The following GNG4 variants were observed in gnomAD, a reference collection of about 807,000 sequenced individuals.
GNG4 encodes the protein G protein subunit gamma 4, also known as guanine nucleotide-binding protein G(I)/G(S)/G(O) subunit gamma-4.
Under a neutral mutation model 5.8 loss-of-function variants are expected in GNG4, and 4 were observed. The ratio of observed to expected loss-of-function variants is 0.69; its 90% CI spans 0.34 to 1.57. The LOEUF is 1.57. Ranked by LOEUF, GNG4 falls within the 40% of genes most tolerant of loss-of-function variation. The probability of loss-of-function intolerance (pLI) is 0.06; values close to 1 mark genes in which losing one functional copy is unlikely to be tolerated. For missense variants in GNG4, 96 were observed against 95.1 expected (o/e 1.01, Z -0.04); for synonymous variants, 29 against 32.9 (o/e 0.88, Z 0.41).
chr1:235,601,826 G>A (rs1354595208), intron 1 of GNG4, among the ~76,000 whole-genome samples: 2 of 152,210 alleles, frequency 1.3e-5, no homozygotes, highest in African/African-American at 2.4e-5. Context: ...CCCATCACAC[G>A]TGGATGTGTC....
rs764591824 is a variant in GNG4, at chr1:235,644,007, C to T, written c.-123+5655G>A. The stretch of plus-strand genomic sequence containing the variant: ...CACTTGCTGCAGTGTTCACGGAGCA[C>T]ACACAGAAAGATCTGCCCGAGAGAG... On this transcript the variant is annotated intron_variant, in intron 1 of 3. Transcript: ENST00000391854. This position sits in a 1 kb window ranked among gnomAD's most constrained non-coding sequence, Gnocchi z 5.9. Among the ~76,000 whole-genome samples, 8 of 152,198 alleles carry T rather than the reference C, an allele frequency of 5.3e-5. No homozygotes were observed. The highest frequency in any genetic ancestry group is 1.0e-4 in the Non-Finnish European group (7 of 68,036).
chr1:235,611,732 G>A (rs1223096718), intron 1 of GNG4, among the ~76,000 whole-genome samples: 2 of 152,126 alleles, frequency 1.3e-5, no homozygotes, highest in African/African-American at 2.4e-5. Context: ...TCTCAGTTTC[G>A]ACTGTTAACA....
intron 1 of GNG4, among the ~76,000 whole-genome samples, chr1:235,619,159 TTATA>T (rs895813525): frequency 1.0e-5 from 1 of 100,236 alleles, no homozygotes; most frequent in African/African-American, 4.5e-5. Flanking sequence ...AAAAAAAAAT[TTATA>T]TATATATATA....
At chr1:235,576,294 C>T (rs989920107) in intron 3 of GNG4, among the ~76,000 whole-genome samples, 7 of 151,804 alleles carry the variant, frequency 4.6e-5, no homozygotes, top group African/African-American at 1.7e-4. Flanking sequence ...GATCTCCTGA[C>T]CTTGAGATCT....
intron 3 of GNG4, among the ~76,000 whole-genome samples, chr1:235,556,139 T>C (rs1443421235): frequency 6.6e-6 from 1 of 151,694 alleles, no homozygotes; most frequent in Non-Finnish European, 1.5e-5. Flanking sequence ...AGTGCTGGGA[T>C]TACAGGCATG....
chr1:235,632,709 C>T (rs1352015659), intron 1 of GNG4, among the ~76,000 whole-genome samples: 1 of 152,146 alleles, frequency 6.6e-6, no homozygotes, highest in Non-Finnish European at 1.5e-5. Flanking sequence ...AATGCCTCAG[C>T]TGGGAACAAA....
chr1:235,563,815 T>G (rs1444951892), intron 3 of GNG4, among the ~76,000 whole-genome samples: 3 of 152,098 alleles, frequency 2.0e-5, no homozygotes, highest in African/African-American at 4.8e-5. Flanking sequence ...GAAGGTTGAG[T>G]TCCTGGCTCA....
chr1:235,597,611 TGTGTGTGTGTGTGTGTGTA>T lies in GNG4; in HGVS notation c.-122-2119_-122-2101del, dbSNP rs1688154923. Among the ~76,000 whole-genome samples, 4 of 109,666 alleles carry T rather than the reference TGTGTGTGTGTGTGTGTGTA, an allele frequency of 3.6e-5. No homozygotes were observed. In the South Asian group the frequency reaches 7.9e-4, roughly 22 times the overall value. The allele number at this position is 109,666 out of a possible 152,430, so 71.9% of individuals were successfully genotyped here. On this transcript the variant is annotated intron_variant, in intron 1 of 3. Coordinates refer to ENST00000391854, the MANE Select transcript of GNG4 (RefSeq NM_001098722.2). Reference sequence around the variant, plus strand: ...TGCTGTGTGTGTGTGTGTGTGTGTGTGTGTGTGTGTGTGTGTGTATTTTTTTTTTTTTCAGATGGAGTCT... The same window carrying T: ...TGCTGTGTGTGTGTGTGTGTGTGTGTTTTTTTTTTTTTTCAGATGGAGTCT...
At chr1:235,617,287 A>C (rs1014803864) in intron 1 of GNG4, among the ~76,000 whole-genome samples, 5 of 152,124 alleles carry the variant, frequency 3.3e-5, no homozygotes, top group Non-Finnish European at 7.4e-5. Flanking sequence ...TCTCAGAGAG[A>C]ATTCTAAGTG....
At chr1:235,625,239 T>C (rs935475919) in intron 1 of GNG4, among the ~76,000 whole-genome samples, 7 of 152,198 alleles carry the variant, frequency 4.6e-5, no homozygotes, top group South Asian at 2.1e-4. Context: ...TTCCTAGCCT[T>C]CTTCTGCAAA....
chr1:235,587,803 A>T (rs1431875457), intron 2 of GNG4, among the ~76,000 whole-genome samples: 2 of 110,074 alleles, frequency 1.8e-5, no homozygotes, highest in African/African-American at 6.8e-5. Flanking sequence ...TGAAGGTGAG[A>T]GTGTGAATAC....
chr1:235,588,357 T>C (rs1687876768), intron 2 of GNG4, among the ~76,000 whole-genome samples: 1 of 152,074 alleles, frequency 6.6e-6, no homozygotes, highest in South Asian at 2.1e-4. Context: ...CCCCTGGACC[T>C]GGCCCCCAGC....
intron 1 of GNG4, among the ~76,000 whole-genome samples, chr1:235,640,787 G>A (rs931220998): frequency 6.6e-6 from 1 of 152,208 alleles, no homozygotes; most frequent in Non-Finnish European, 1.5e-5. Context: ...AAATTGCCCG[G>A]TGGGCCAGAG....
At chr1:235,597,174 G>C (rs1323110785) in intron 1 of GNG4, among the ~76,000 whole-genome samples, 1 of 152,190 alleles carries the variant, frequency 6.6e-6, no homozygotes, top group African/African-American at 2.4e-5. Context: ...ATTCCCCAAG[G>C]GTTTTCCGAA....
At chr1:235,612,822 C>T (rs1202714335) in intron 1 of GNG4, among the ~76,000 whole-genome samples, 2 of 152,190 alleles carry the variant, frequency 1.3e-5, no homozygotes, top group African/African-American at 2.4e-5. Context: ...CATGCCCGTC[C>T]TGGGTAGCTT....
chr1:235,630,109 T>A (rs1688902472), intron 1 of GNG4, among the ~76,000 whole-genome samples: 1 of 150,264 alleles, frequency 6.7e-6, no homozygotes, highest in African/African-American at 2.4e-5. Flanking sequence ...GGGTAGATAC[T>A]ACAATAGGAT....
chr1:235,572,414 G>T (rs750982908), intron 3 of GNG4, among the ~76,000 whole-genome samples: 2 of 152,012 alleles, frequency 1.3e-5, no homozygotes, highest in Non-Finnish European at 2.9e-5. Context: ...TGGCCAGGCT[G>T]GTCTCAAACT....
At chr1:235,570,617 G>A (rs1276689280) in intron 3 of GNG4, among the ~76,000 whole-genome samples, 5 of 151,428 alleles carry the variant, frequency 3.3e-5, no homozygotes, top group South Asian at 2.1e-4. Flanking sequence ...GGCTGGTCTC[G>A]AACTCCTGAC....
chr1:235,642,104 G>C lies in GNG4; in HGVS notation c.-123+7558C>G, dbSNP rs1431792300. Among the ~76,000 whole-genome samples, 1 of 151,878 alleles carries C rather than the reference G, an allele frequency of 6.6e-6. No homozygotes were observed. Among genetic ancestry groups the C allele is most frequent in the Non-Finnish European group, 1.5e-5 (1 of 68,026 alleles). ...AAAGCAACATAACACACTAAGAACC[G>C]TGCGGAAAAGGAGAGAAAACCAGAC... On this transcript the variant is annotated intron_variant, in intron 1 of 3. Transcript: ENST00000391854. The surrounding 1 kb of genome is among the most constrained non-coding windows in gnomAD (Gnocchi z 4.3).
Sources: gnomAD v4.1 joint callset for allele counts (sites outside exome capture counted in the v4.1 genomes callset) on GRCh38, gnomAD v4.1.1 for gene constraint, Gnocchi (gnomAD v3.1) non-coding constraint, MANE v1.5 for transcripts, NCBI Gene and HGNC (gene_info 2026-07-23, HGNC 2026-07-21) for gene names.